Variants in DCC observed in about 807,000 individuals in gnomAD.
DCC encodes the protein DCC netrin 1 receptor.
Under a neutral mutation model 172.5 loss-of-function variants are expected in DCC, and 58 were observed. The ratio of observed to expected loss-of-function variants is 0.34; its 90% CI spans 0.27 to 0.42. The LOEUF (loss-of-function observed/expected upper bound fraction) is 0.42, where lower values mean the gene tolerates loss of function less well. Among genes scored for constraint, DCC ranks in the 10% least tolerant of loss-of-function variants. The probability of loss-of-function intolerance (pLI) is 1.00; values close to 1 mark genes in which losing one functional copy is unlikely to be tolerated. For synonymous variants in DCC, 709 were observed against 644.5 expected (o/e 1.10, Z -1.52); for missense variants, 1,740 against 1,791.0 (o/e 0.97, Z 0.51).
intron 1 of DCC, among the ~76,000 whole-genome samples, chr18:52,429,067 T>C (rs1309207766): frequency 6.6e-6 from 1 of 152,082 alleles, no homozygotes; most frequent in East Asian, 1.9e-4. Context: ...CCCCTTGCCT[T>C]TCTAAGATCT....
In DCC at chr18:52,596,831, A is replaced by G. The variant is rs369733971; in HGVS notation, c.92-155223A>G. On this transcript the variant is annotated intron_variant, in intron 1 of 28. Transcript: ENST00000442544. ...CTTCCTACATGGCCTCTTTCTTCCT[A>G]CATGGCTCAGGTCAGCAATCTTGCC... is the stretch of plus-strand genomic sequence containing the variant. 6.4e-4 allele frequency among the ~76,000 whole-genome samples: 98 copies of G among 152,294 alleles called. 3 individuals are homozygous for G. In the South Asian group the frequency reaches 0.013, roughly 21 times the overall value.
At chr18:53,503,257 A>C (rs1003373595) in intron 27 of DCC, among the ~76,000 whole-genome samples, 2 of 152,230 alleles carry the variant, frequency 1.3e-5, no homozygotes, top group African/African-American at 4.8e-5. Context: ...TTCTGTTGTC[A>C]TAACGACTGA....
intron 1 of DCC, among the ~76,000 whole-genome samples, chr18:52,565,084 C>T (rs1386393385): frequency 6.6e-6 from 1 of 152,122 alleles, no homozygotes; most frequent in Non-Finnish European, 1.5e-5. Context: ...GCTGGAGGAA[C>T]TGCAGTGTAA....
chr18:52,558,651 A>G (rs2032969437), intron 1 of DCC, among the ~76,000 whole-genome samples: 1 of 152,142 alleles, frequency 6.6e-6, no homozygotes, highest in African/African-American at 2.4e-5. Context: ...GGGGTCTCCT[A>G]TTATCCAAAG....
Position 52,540,597 on chromosome 18 carries a change from C to CTTTTTTTTTT in DCC, c.91+199737_91+199746dup, listed in dbSNP as rs71175505. 7.4e-5 allele frequency among the ~76,000 whole-genome samples: 5 copies of CTTTTTTTTTT among 67,488 alleles called. 1 individual carries two copies. Among genetic ancestry groups the CTTTTTTTTTT allele is most frequent in the African/African-American group, 1.4e-4 (2 of 14,660 alleles). 44.3% of individuals were successfully genotyped at this position (67,488 alleles called of 152,430 possible). On this transcript the variant is annotated intron_variant, in intron 1 of 28. Transcript: ENST00000442544. The stretch of plus-strand genomic sequence containing the variant: ...ACTACCGTTAGGTGTATTCAACTGC[C>CTTTTTTTTTT]TTTTTTTTTTTTTTTTTTTTTTTTT...
At chr18:52,426,744 A>C (rs1464421196) in intron 1 of DCC, among the ~76,000 whole-genome samples, 1 of 151,914 alleles carries the variant, frequency 6.6e-6, no homozygotes, top group African/African-American at 2.4e-5. Context: ...CAGCTTGGTC[A>C]TTGTGCAATT....
chr18:52,890,616 G>A (rs1216919086), intron 2 of DCC, among the ~76,000 whole-genome samples: 4 of 152,002 alleles, frequency 2.6e-5, no homozygotes, highest in African/African-American at 9.7e-5. Flanking sequence ...CTCATAGGTG[G>A]CCCCAGATTG....
At chr18:52,731,476 A>T (rs1254472277) in intron 1 of DCC, among the ~76,000 whole-genome samples, 1 of 152,236 alleles carries the variant, frequency 6.6e-6, no homozygotes, top group East Asian at 1.9e-4. Context: ...GACCTTGCCT[A>T]TGAAGTGGTT....
chr18:53,208,156 T>A (rs898349878), intron 11 of DCC, among the ~76,000 whole-genome samples: 1 of 150,668 alleles, frequency 6.6e-6, no homozygotes, highest in Non-Finnish European at 1.5e-5. Context: ...GCACCTGCGA[T>A]CCCAGCTACT....
At chr18:52,518,236 A>G (rs2144661054) in intron 1 of DCC, among the ~76,000 whole-genome samples, 1 of 152,180 alleles carries the variant, frequency 6.6e-6, no homozygotes, top group East Asian at 1.9e-4. Flanking sequence ...CTGAGTAAAT[A>G]TGGGATGTTG....
At chr18:53,142,924 T>C (rs1006170849) in intron 7 of DCC, among the ~76,000 whole-genome samples, 3 of 152,116 alleles carry the variant, frequency 2.0e-5, no homozygotes, top group African/African-American at 7.2e-5. Context: ...CTTGACTGTC[T>C]TGAAGAGGAT....
chr18:52,837,373 AC>A (rs749487292), intron 2 of DCC, among the ~76,000 whole-genome samples: 15 of 152,096 alleles, frequency 9.9e-5, no homozygotes, highest in Non-Finnish European at 1.8e-4. Flanking sequence ...ACTTTTCCAA[AC>A]TTTTATGCTC....
intron 15 of DCC, among the ~76,000 whole-genome samples, chr18:53,371,436 G>A (rs999478306): frequency 6.6e-6 from 1 of 151,942 alleles, no homozygotes; most frequent in Non-Finnish European, 1.5e-5. Flanking sequence ...ATTTCCTCTT[G>A]TAATCTGCAA....
intron 12 of DCC, among the ~76,000 whole-genome samples, chr18:53,247,064 C>A (rs2056373780): frequency 6.6e-6 from 1 of 151,998 alleles, no homozygotes; most frequent in Non-Finnish European, 1.5e-5. Context: ...GAGAATAGAG[C>A]ATTACACTTC....
intron 1 of DCC, among the ~76,000 whole-genome samples, chr18:52,641,867 A>G (rs953273787): frequency 2.0e-5 from 3 of 151,974 alleles, no homozygotes; most frequent in African/African-American, 7.3e-5. Flanking sequence ...ACTACTGGGT[A>G]TCTACCTAGA....
rs577216616 is a variant in DCC, at chr18:52,662,956, G to A, written c.92-89098G>A. Among the ~76,000 whole-genome samples the A allele has an allele frequency of 1.1e-3, 167 of 152,174 alleles. 2 individuals carry two copies. Among genetic ancestry groups the A allele is most frequent in the Admixed American group, 3.5e-3 (53 of 15,294 alleles). Reference sequence around the variant, plus strand: ...AGGGCTCCACAATGATGACCCAATCGCTCCCTAAACACCCTGGGGACTAGG... The same window carrying A: ...AGGGCTCCACAATGATGACCCAATCACTCCCTAAACACCCTGGGGACTAGG... On this transcript the variant is annotated intron_variant, in intron 1 of 28. Transcript: ENST00000442544.
chr18:53,010,213 T>C (rs2041707939), intron 5 of DCC, among the ~76,000 whole-genome samples: 1 of 151,948 alleles, frequency 6.6e-6, no homozygotes, highest in Non-Finnish European at 1.5e-5. Context: ...TTGTCATGAT[T>C]GAAAATACTA....
intron 7 of DCC, among the ~76,000 whole-genome samples, chr18:53,101,448 A>C (rs1483996247): frequency 6.6e-6 from 1 of 152,088 alleles, no homozygotes; most frequent in Non-Finnish European, 1.5e-5. Context: ...GGGACCCTTT[A>C]ACAGCGGTGC....
intron 2 of DCC, among the ~76,000 whole-genome samples, chr18:52,818,503 GTAA>G (rs2038345581): frequency 6.6e-6 from 1 of 151,482 alleles, no homozygotes; most frequent in Non-Finnish European, 1.5e-5. Flanking sequence ...AGAGCCATTT[GTAA>G]AATGGGTGAA....
Sources: allele counts gnomAD v4.1 joint callset (sites outside exome capture counted in the v4.1 genomes callset), GRCh38; gene constraint gnomAD v4.1.1; transcripts MANE v1.5; gene names NCBI Gene and HGNC (gene_info 2026-07-23, HGNC 2026-07-21).